Variants in CDK7 observed in about 807,000 individuals in gnomAD.
The protein encoded by CDK7 is cyclin dependent kinase 7.
CDK7 carries 25 observed loss-of-function variants against 49.1 expected under a neutral mutation model. That is an observed-to-expected ratio of 0.51 (90% CI 0.37 to 0.71). The LOEUF (loss-of-function observed/expected upper bound fraction) is 0.71. Ranked by LOEUF, CDK7 falls within the 30% of genes least tolerant of loss-of-function variation. The probability of loss-of-function intolerance (pLI) is 0.00; values close to 1 mark genes in which losing one functional copy is unlikely to be tolerated. For synonymous variants in CDK7, 107 were observed against 140.0 expected (o/e 0.76, Z 1.67); for missense variants, 316 against 411.7 (o/e 0.77, Z 2.01).
chr5:69,272,768 G>T, intron 9 of CDK7, 124 bp from the exon 10 acceptor site: 2 of 511,848 alleles, frequency 3.9e-6, no homozygotes, highest in Admixed American at 3.9e-5. Context: ...CTAGTTCTAG[G>T]ACTTTTTAAT....
In CDK7 at chr5:69,252,531, A is replaced by G; in HGVS notation, c.160+80A>G. On this transcript the variant is annotated intron_variant, in intron 3 of 11. Coordinates refer to ENST00000256443, the MANE Select transcript of CDK7 (RefSeq NM_001799.4). ...TTTTTTTTTTTTTTTTTTTAAAAAG[A>G]CAGGGTCTTGCTCTGTCACCCAGGC... 8.2e-6 allele frequency: 6 copies of G among 731,310 alleles called. No homozygotes were observed. In the South Asian group the frequency reaches 1.1e-4, roughly 13 times the overall value. The allele number at this position is 731,310 out of a possible 1,614,324, so 45.3% of individuals were successfully genotyped here. A position where few individuals can be genotyped will look rare whatever the true frequency, so the allele number is the denominator to read the frequency against.
At chr5:69,255,694 T>C (rs1389940704) in intron 5 of CDK7, 166 bp downstream of exon 5, 1 of 672,428 alleles carries the variant, frequency 1.5e-6, no homozygotes, top group Admixed American at 2.3e-5. Context: ...TATTTTCTTC[T>C]AATCATTTAG....
At chr5:69,261,882 G>A (rs183398457) in intron 7 of CDK7, among the ~76,000 whole-genome samples, 1 of 152,308 alleles carries the variant, frequency 6.6e-6, no homozygotes, top group East Asian at 1.9e-4. Context: ...AGTAAGAATA[G>A]ACAATTCTTT....
intron 2 of CDK7, among the ~76,000 whole-genome samples, chr5:69,241,338 T>A (rs1186154085): frequency 2.5e-5 from 3 of 120,234 alleles, no homozygotes; most frequent in African/African-American, 6.6e-5. Context: ...TTTTTTTTTT[T>A]GAGACGGAGT....
chr5:69,261,865 T>C (rs943361650), intron 7 of CDK7, among the ~76,000 whole-genome samples: 9 of 152,076 alleles, frequency 5.9e-5, no homozygotes, highest in Admixed American at 4.6e-4. Context: ...GAAAAGGAAT[T>C]GGAGACAGTA....
intron 5 of CDK7, among the ~76,000 whole-genome samples, chr5:69,257,595 T>C (rs1017768947): frequency 1.3e-5 from 2 of 152,140 alleles, no homozygotes; most frequent in Admixed American, 1.3e-4. Flanking sequence ...CTTGGCCTGG[T>C]TGATTGACTT....
intron 8 of CDK7, among the ~76,000 whole-genome samples, chr5:69,265,373 T>G: frequency 6.8e-6 from 1 of 147,606 alleles, no homozygotes; most frequent in African/African-American, 2.5e-5. Context: ...CAAGACACAC[T>G]GTTGTGAAAT....
At chr5:69,267,931 A>T (rs1201226862) in intron 8 of CDK7, among the ~76,000 whole-genome samples, 1 of 152,144 alleles carries the variant, frequency 6.6e-6, no homozygotes, top group Non-Finnish European at 1.5e-5. Context: ...GTCTAAAAAT[A>T]GTTGTAATAT....
At chr5:69,236,954 CT>C (rs4053029) in intron 2 of CDK7, among the ~76,000 whole-genome samples, 25,818 of 84,524 alleles carry the variant, frequency 0.31, 2,537 homozygotes, top group East Asian at 0.36. Flanking sequence ...GCCTGGCCTT[CT>C]TTTTTTTTTT....
intron 2 of CDK7, among the ~76,000 whole-genome samples, chr5:69,247,122 G>A (rs1374628738): frequency 6.6e-6 from 1 of 152,180 alleles, no homozygotes; most frequent in Non-Finnish European, 1.5e-5. Context: ...CATGTGGTCT[G>A]TAGTGCGGAT....
At chr5:69,271,017 T>C (rs1216532834) in intron 9 of CDK7, among the ~76,000 whole-genome samples, 2 of 152,182 alleles carry the variant, frequency 1.3e-5, no homozygotes, top group African/African-American at 4.8e-5. Flanking sequence ...AGTCATATGG[T>C]AGTTACATAT....
intron 2 of CDK7, among the ~76,000 whole-genome samples, chr5:69,245,983 G>A (rs1561350139): frequency 6.6e-6 from 1 of 152,070 alleles, no homozygotes; most frequent in East Asian, 1.9e-4. Context: ...TTAGTGGTCA[G>A]GGTTTTTATT....
intron 2 of CDK7, among the ~76,000 whole-genome samples, chr5:69,238,875 T>C (rs1749185705): frequency 1.3e-5 from 2 of 152,074 alleles, no homozygotes; most frequent in Non-Finnish European, 2.9e-5. Context: ...AACTTGTTAT[T>C]CTGAGTCAAC....
At chr5:69,250,416 C>T (rs1750062457) in intron 2 of CDK7, among the ~76,000 whole-genome samples, 3 of 152,156 alleles carry the variant, frequency 2.0e-5, no homozygotes, top group Non-Finnish European at 2.9e-5. Flanking sequence ...TCTTTCTTCC[C>T]CTTTCTTCAG....
chr5:69,239,590 G>A (rs1001622329), intron 2 of CDK7, among the ~76,000 whole-genome samples: 11 of 152,008 alleles, frequency 7.2e-5, no homozygotes, highest in South Asian at 4.2e-4. Flanking sequence ...TTATATTCTG[G>A]ATATTGATCC....
intron 3 of CDK7, among the ~76,000 whole-genome samples, chr5:69,252,768 C>G (rs572628205): frequency 2.6e-5 from 4 of 152,218 alleles, no homozygotes; most frequent in East Asian, 3.9e-4. Flanking sequence ...CTCGGCCTCC[C>G]AAAGTGCTGG....
At chr5:69,275,700 G>A (rs751984820) in intron 10 of CDK7, among the ~76,000 whole-genome samples, 10 of 152,080 alleles carry the variant, frequency 6.6e-5, no homozygotes, top group East Asian at 3.9e-4. Context: ...TCAGCCAGGC[G>A]CGGTGGCTCA....
intron 2 of CDK7, among the ~76,000 whole-genome samples, chr5:69,236,778 A>G (rs1430639681): frequency 1.3e-5 from 2 of 151,394 alleles, no homozygotes; most frequent in Admixed American, 6.6e-5. Context: ...CAGCCTCTCC[A>G]GTAGCTGGGA....
At chr5:69,259,373 A>G (rs1294993731) in intron 6 of CDK7, among the ~76,000 whole-genome samples, 2 of 152,126 alleles carry the variant, frequency 1.3e-5, no homozygotes, top group Non-Finnish European at 2.9e-5. Flanking sequence ...TAATTCTCAT[A>G]TCGTAAGTTT....
Sources: gnomAD v4.1 joint callset for allele counts (sites outside exome capture counted in the v4.1 genomes callset) on GRCh38, gnomAD v4.1.1 for gene constraint, MANE v1.5 for transcripts, NCBI Gene and HGNC (gene_info 2026-07-23, HGNC 2026-07-21) for gene names.